The following SCAF8 variants were observed in gnomAD, a reference collection of about 807,000 sequenced individuals.
SCAF8 encodes the protein SR-related and CTD-associated factor 8.
Under a neutral mutation model 140.5 loss-of-function variants are expected in SCAF8, and 23 were observed. The ratio of observed to expected loss-of-function variants is 0.16; its 90% confidence interval spans 0.12 to 0.23. The LOEUF is 0.23. SCAF8 is among the 10% of genes least tolerant of loss of function. The probability of loss-of-function intolerance (pLI) is 1.00; values close to 1 mark genes in which losing one functional copy is unlikely to be tolerated. For missense variants in SCAF8, 1,397 were observed against 1,555.7 expected (o/e 0.90, Z 1.72); for synonymous variants, 575 against 528.9 (o/e 1.09, Z -1.20).
At chr6:154,809,941 T>TC (rs2114648428) in intron 11 of SCAF8, 74 bp from the exon 12 acceptor site, 2 of 1,181,304 alleles carry the variant, frequency 1.7e-6, no homozygotes, top group Non-Finnish European at 1.2e-6. Context: ...TATTGTTTTT[T>TC]CCCTCACTTA....
intron 1 of SCAF8, among the ~76,000 whole-genome samples, chr6:154,769,380 A>G (rs1399476372): frequency 1.3e-5 from 2 of 152,322 alleles, no homozygotes; most frequent in African/African-American, 4.8e-5. Context: ...TGAAACTTCC[A>G]TACTTTACCA....
chr6:154,770,438 G>A lies in SCAF8; in HGVS notation c.31-3551G>A, dbSNP rs550528311. Among the ~76,000 whole-genome samples the A allele has an allele frequency of 1.9e-4, 29 of 148,966 alleles. No homozygotes were observed. The South Asian group carries it at 3.8e-3, about 20-fold the overall frequency. On this transcript the variant is annotated intron_variant, in intron 1 of 19. Coordinates refer to ENST00000367178, the MANE Select transcript of SCAF8 (RefSeq NM_014892.5). ...CTCTCTCTCTCTAGTTGAGTGTGGC[G>A]GTCCGTGCCTATAGTCCAGCTACTT...
At chr6:154,773,364 A>G (rs941055322) in intron 1 of SCAF8, among the ~76,000 whole-genome samples, 1 of 152,160 alleles carries the variant, frequency 6.6e-6, no homozygotes, top group African/African-American at 2.4e-5. Context: ...AGGTTCATTC[A>G]GGTTGTAACA....
In SCAF8 at chr6:154,733,758, T is replaced by A; in HGVS notation, c.-143T>A. On this transcript the variant is annotated 5_prime_UTR_variant, in exon 1 of 20. Transcript: ENST00000367178. ...TCCCCGCCAGCGCGTGCCCTTCCACTCCGCCCCGAGGTCGCAGCGGCCCGC... is the reference window on the plus strand; with the variant it reads ...TCCCCGCCAGCGCGTGCCCTTCCACACCGCCCCGAGGTCGCAGCGGCCCGC... 1 of 1,353,458 alleles carries A rather than the reference T, an allele frequency of 7.4e-7. No homozygotes were observed. The highest frequency in any genetic ancestry group is 2.7e-4 in the Middle Eastern group (1 of 3,710). The allele number at this position is 1,353,458 out of a possible 1,614,324, so 83.8% of individuals were successfully genotyped here.
chr6:154,777,081 T>C (rs1776936953), intron 2 of SCAF8, among the ~76,000 whole-genome samples: 2 of 152,020 alleles, frequency 1.3e-5, no homozygotes, highest in Admixed American at 6.6e-5. Context: ...CTTGGGAGGC[T>C]GAGGCAGGAG....
At chr6:154,828,033 G>A (rs1336630401) in intron 18 of SCAF8, among the ~76,000 whole-genome samples, 1 of 152,002 alleles carries the variant, frequency 6.6e-6, no homozygotes, top group African/African-American at 2.4e-5. Flanking sequence ...ATCACCCAAA[G>A]TCCTTAGTTT....
Position 154,733,530 on chromosome 6 carries a change from G to T in SCAF8, c.-371G>T. On this transcript the variant is annotated 5_prime_UTR_variant, in exon 1 of 20. Coordinates refer to ENST00000367178, the MANE Select transcript of SCAF8 (RefSeq NM_014892.5). ...TGAAACAGGAGCCCGTCGGAGGAAG[G>T]GGCAGAAGGGAGTGGAGAGTGTAGG... The T allele has an allele frequency of 3.8e-6, 5 of 1,308,232 alleles. No homozygotes were observed. The East Asian group carries it at 1.2e-4, about 33-fold the overall frequency. 81.0% of individuals were successfully genotyped at this position (1,308,232 alleles called of 1,614,324 possible). A position where few individuals can be genotyped will look rare whatever the true frequency, so the allele number is the denominator to read the frequency against.
At chr6:154,793,511 A>C (rs1418174191) in intron 5 of SCAF8, among the ~76,000 whole-genome samples, 1 of 151,758 alleles carries the variant, frequency 6.6e-6, no homozygotes, top group African/African-American at 2.4e-5. Context: ...AATTTTTATG[A>C]AAAAATTTTT....
chr6:154,737,886 T>G (rs538347181), intron 1 of SCAF8, among the ~76,000 whole-genome samples: 2 of 152,164 alleles, frequency 1.3e-5, no homozygotes, highest in Non-Finnish European at 2.9e-5. Context: ...CTGCCCCAAA[T>G]TAAATGTTTA....
At chr6:154,806,802 T>TA (rs138740431) in intron 9 of SCAF8, among the ~76,000 whole-genome samples, 9,572 of 152,060 alleles carry the variant, frequency 0.063, 432 homozygotes, top group Non-Finnish European at 0.095. Flanking sequence ...GTGGCCAGAG[T>TA]AGGGGCAGTA....
At chr6:154,749,534 G>A (rs1448804060) in intron 1 of SCAF8, among the ~76,000 whole-genome samples, 1 of 152,182 alleles carries the variant, frequency 6.6e-6, no homozygotes. Context: ...AAAGTAATAT[G>A]AGGAGCATTA....
intron 1 of SCAF8, among the ~76,000 whole-genome samples, chr6:154,739,217 C>G (rs1209990054): frequency 6.6e-6 from 1 of 152,060 alleles, no homozygotes; most frequent in Non-Finnish European, 1.5e-5. Flanking sequence ...TTCTTGAACT[C>G]CCGGCCTTTA....
chr6:154,743,227 G>T (rs1171790443), intron 1 of SCAF8, among the ~76,000 whole-genome samples: 2 of 152,180 alleles, frequency 1.3e-5, no homozygotes, highest in Non-Finnish European at 2.9e-5. Flanking sequence ...GACTGAACAG[G>T]TAGACTTAGT....
chr6:154,831,130 C>G lies in SCAF8; in HGVS notation c.2349C>G (p.Asn783Lys), dbSNP rs1409062793. The G allele has an allele frequency of 6.3e-7, 1 of 1,585,312 alleles. No homozygotes were observed. The highest frequency in any genetic ancestry group is 1.3e-5 in the African/African-American group (1 of 74,096). The part of the protein sequence containing the change: ...LIDHQISSGE[N>K]TRSVIPNDIS... ...ACCACCAGATTTCTTCTGGTGAAAA[C>G]ACCAGATCAGGTAAATAATAATAAT... The change falls in exon 19 of 20, where the codon AAC (asparagine) becomes AAG (lysine). Residue 783 changes from asparagine to lysine, a missense_variant. Physicochemically the swap from Asn to Lys is moderately conservative, Grantham distance 94 (BLOSUM62 0). This residue lies in a region of SCAF8 where 930 missense variants were observed against 874.6 expected (regional missense o/e 1.06). Coordinates refer to ENST00000367178, the MANE Select transcript of SCAF8 (RefSeq NM_014892.5).
chr6:154,770,804 G>A (rs1776740564), intron 1 of SCAF8, among the ~76,000 whole-genome samples: 1 of 152,076 alleles, frequency 6.6e-6, no homozygotes, highest in African/African-American at 2.4e-5. Context: ...GAGTGCGGTG[G>A]CGTAATCTAG....
At chr6:154,803,520 T>A (rs780536721) in intron 7 of SCAF8, 24 bp from the exon 8 acceptor site, 1 of 1,563,884 alleles carries the variant, frequency 6.4e-7, no homozygotes, top group Non-Finnish European at 8.8e-7. Context: ...TTTTAATATG[T>A]CTGTTTCTCC....
At chr6:154,750,564 A>T (rs1386514025) in intron 1 of SCAF8, among the ~76,000 whole-genome samples, 1 of 152,202 alleles carries the variant, frequency 6.6e-6, no homozygotes, top group African/African-American at 2.4e-5. Flanking sequence ...ATACAACCAG[A>T]TGTTCTTGTA....
intron 2 of SCAF8, among the ~76,000 whole-genome samples, chr6:154,774,827 A>C (rs1192849942): frequency 2.0e-5 from 3 of 152,154 alleles, no homozygotes. Context: ...ATATGCGCAA[A>C]ATTTTATAGA....
chr6:154,813,006 C>T (rs912695868), intron 12 of SCAF8, among the ~76,000 whole-genome samples: 1 of 150,776 alleles, frequency 6.6e-6, no homozygotes, highest in South Asian at 2.1e-4. Context: ...TAAGACCAGC[C>T]TGAGCAACAA....
Sources: allele counts gnomAD v4.1 joint callset (sites outside exome capture counted in the v4.1 genomes callset), GRCh38; gene constraint gnomAD v4.1.1; regional missense constraint gnomAD v4.1.1; transcripts MANE v1.5; gene names NCBI Gene and HGNC (gene_info 2026-07-23, HGNC 2026-07-21).